NFIA: variants seen among roughly 807,000 people sequenced by gnomAD.
The protein encoded by NFIA is nuclear factor 1 A-type.
Under a neutral mutation model 62.8 loss-of-function variants are expected in NFIA, and 8 were observed. That is an observed-to-expected ratio of 0.13 (90% CI 0.07 to 0.23). The LOEUF (loss-of-function observed/expected upper bound fraction) is 0.23. Ranked by LOEUF, NFIA falls within the 10% of genes least tolerant of loss-of-function variation. NFIA has a pLI of 1.00. For synonymous variants in NFIA, 235 were observed against 238.1 expected (o/e 0.99, Z 0.12); for missense variants, 410 against 642.1 (o/e 0.64, Z 3.91).
At chr1:61,281,245 A>G (rs1658112201) in intron 3 of NFIA, among the ~76,000 whole-genome samples, 1 of 152,196 alleles carries the variant, frequency 6.6e-6, no homozygotes, top group African/African-American at 2.4e-5. Flanking sequence ...CTCAAAAAAA[A>G]AAAAGAAAAG....
intron 2 of NFIA, among the ~76,000 whole-genome samples, chr1:61,205,785 T>C (rs1406741688): frequency 1.3e-5 from 2 of 152,140 alleles, no homozygotes; most frequent in Non-Finnish European, 2.9e-5. Flanking sequence ...GGCTCACGTT[T>C]AGTCCAGTCA....
intron 10 of NFIA, 57 bp from the exon 11 acceptor site, chr1:61,455,246 A>G (rs1233792103): frequency 3.1e-6 from 5 of 1,602,830 alleles, no homozygotes; most frequent in African/African-American, 1.3e-5. Flanking sequence ...GGCAACTTCT[A>G]AAACACACGT....
intron 2 of NFIA, among the ~76,000 whole-genome samples, chr1:61,237,988 A>G (rs1043504750): frequency 2.0e-5 from 3 of 152,200 alleles, no homozygotes; most frequent in Admixed American, 6.5e-5. Context: ...GAGTGCATCT[A>G]ATAATTCTTT....
intron 2 of NFIA, among the ~76,000 whole-genome samples, chr1:61,215,655 C>A (rs1653566658): frequency 6.6e-6 from 1 of 152,172 alleles, no homozygotes; most frequent in Admixed American, 6.5e-5. Context: ...AATTTTATAT[C>A]TATCAAGCTA....
At chr1:61,414,536 G>GGTT (rs1666267078) in intron 9 of NFIA, among the ~76,000 whole-genome samples, 1 of 81,820 alleles carries the variant, frequency 1.2e-5, no homozygotes, top group African/African-American at 4.1e-5. Flanking sequence ...TTGGTTTTTT[G>GGTT]TTTTGTTTTT....
At chr1:61,383,524 A>G (rs527458805) in intron 7 of NFIA, among the ~76,000 whole-genome samples, 159 bp downstream of exon 7, 2 of 152,366 alleles carry the variant, frequency 1.3e-5, no homozygotes, top group South Asian at 2.1e-4. Flanking sequence ...TTAGAGACCA[A>G]AGAGATTTGG....
intron 2 of NFIA, among the ~76,000 whole-genome samples, chr1:61,213,884 T>G (rs1373785968): frequency 6.6e-6 from 1 of 152,180 alleles, no homozygotes; most frequent in Non-Finnish European, 1.5e-5. Context: ...TCAGACAGTT[T>G]AAGTCCTGCT....
intron 4 of NFIA, among the ~76,000 whole-genome samples, chr1:61,338,391 G>A (rs1386417232): frequency 6.6e-6 from 1 of 152,230 alleles, no homozygotes; most frequent in Non-Finnish European, 1.5e-5. Flanking sequence ...CCTGGCATGA[G>A]GTGGCACCCT....
In NFIA at chr1:61,176,967, A is replaced by T. The variant is rs556296410; in HGVS notation, c.559+88287A>T. On this transcript the variant is annotated intron_variant, in intron 2 of 10. Coordinates refer to ENST00000403491, the MANE Select transcript of NFIA (RefSeq NM_001134673.4). ...AAAGTACAAAAAAAATTAGCTGGGCATGGTGGCGGGCGCCTGTAGTCCCAG... is the reference window on the plus strand; with the variant it reads ...AAAGTACAAAAAAAATTAGCTGGGCTTGGTGGCGGGCGCCTGTAGTCCCAG... Among the ~76,000 whole-genome samples the T allele has an allele frequency of 4.2e-3, 633 of 152,132 alleles. 4 individuals carry two copies. The highest frequency in any genetic ancestry group is 0.014 in the African/African-American group (600 of 41,516).
intron 2 of NFIA, among the ~76,000 whole-genome samples, chr1:61,269,573 G>C (rs1431074366): frequency 6.6e-6 from 1 of 152,176 alleles, no homozygotes; most frequent in Non-Finnish European, 1.5e-5. Flanking sequence ...TAAAGTGCAG[G>C]AGGTTTGGAG....
chr1:61,177,012 A>G (rs1276929198), intron 2 of NFIA, among the ~76,000 whole-genome samples: 2 of 152,060 alleles, frequency 1.3e-5, no homozygotes, highest in African/African-American at 4.8e-5. Context: ...AGGCTGAGGC[A>G]GGAGAATAGC....
At chr1:61,430,633 C>T (rs1407312709) in intron 10 of NFIA, among the ~76,000 whole-genome samples, 1 of 133,568 alleles carries the variant, frequency 7.5e-6, no homozygotes, top group African/African-American at 2.9e-5. Flanking sequence ...AGCCATTTTT[C>T]CTCCTCTTTC....
intron 2 of NFIA, among the ~76,000 whole-genome samples, chr1:61,211,687 C>T (rs1333958069): frequency 6.6e-6 from 1 of 152,082 alleles, no homozygotes; most frequent in African/African-American, 2.4e-5. Flanking sequence ...GAGAAGGGTG[C>T]TATTTTTCTT....
At chr1:61,388,239 T>C (rs937367112) in intron 7 of NFIA, among the ~76,000 whole-genome samples, 1 of 152,234 alleles carries the variant, frequency 6.6e-6, no homozygotes, top group African/African-American at 2.4e-5. Flanking sequence ...TACATCGTTA[T>C]ACGTTAGTAT....
chr1:61,216,552 CTCAAT>C (rs1228245196), intron 2 of NFIA, among the ~76,000 whole-genome samples: 1 of 152,178 alleles, frequency 6.6e-6, no homozygotes, highest in Admixed American at 6.5e-5. Flanking sequence ...TAAAAACCTG[CTCAAT>C]TCAACAAAAC....
At chr1:61,417,036 A>G (rs933583785) in intron 9 of NFIA, among the ~76,000 whole-genome samples, 20 of 152,134 alleles carry the variant, frequency 1.3e-4, no homozygotes, top group Admixed American at 1.3e-3. Flanking sequence ...AGGAATAGGA[A>G]AAAGAACAGA....
intron 6 of NFIA, among the ~76,000 whole-genome samples, chr1:61,365,010 C>T (rs1376590503): frequency 6.6e-6 from 1 of 152,116 alleles, no homozygotes; most frequent in Non-Finnish European, 1.5e-5. Context: ...CATAGCAGGA[C>T]CCTGTCTCTA....
At chr1:61,339,736 G>A (rs553818224) in intron 4 of NFIA, among the ~76,000 whole-genome samples, 42 of 152,024 alleles carry the variant, frequency 2.8e-4, no homozygotes, top group Non-Finnish European at 4.4e-4. Context: ...AGAAATTGTC[G>A]TCAAACTACG....
chr1:61,094,932 C>G (rs572494893), intron 2 of NFIA, among the ~76,000 whole-genome samples: 1 of 152,188 alleles, frequency 6.6e-6, no homozygotes, highest in South Asian at 2.1e-4. Flanking sequence ...AACTCTGAAG[C>G]AGAAGATATT....
Sources: allele counts gnomAD v4.1 joint callset (sites outside exome capture counted in the v4.1 genomes callset), GRCh38; gene constraint gnomAD v4.1.1; transcripts MANE v1.5; gene names NCBI Gene and HGNC (gene_info 2026-07-23, HGNC 2026-07-21).